The following SCGB3A2 variants were observed in gnomAD, a reference collection of about 807,000 sequenced individuals.
SCGB3A2 encodes secretoglobin family 3A member 2, also known as pneumo secretory protein 1.
Under a neutral mutation model 7.7 loss-of-function variants are expected in SCGB3A2, and 5 were observed. The observed-to-expected ratio is 0.65, with a 90% CI of 0.34 to 1.36. The LOEUF (loss-of-function observed/expected upper bound fraction) is 1.36, where lower values mean the gene tolerates loss of function less well. Among genes scored for constraint, SCGB3A2 ranks in the 40% most tolerant of loss-of-function variants. SCGB3A2 has a pLI of 0.04. For synonymous variants in SCGB3A2, 44 were observed against 42.7 expected, an observed-to-expected ratio of 1.03 and a Z score of -0.12; for missense variants, 109 against 103.6, an observed-to-expected ratio of 1.05 and a Z score of -0.23.
chr5:147,880,136 T>C (rs534121219), intron 1 of SCGB3A2, among the ~76,000 whole-genome samples: 25 of 152,304 alleles, frequency 1.6e-4, no homozygotes, highest in Admixed American at 3.3e-4. Flanking sequence ...AGTAGGAGGA[T>C]GTGTGTTCTT....
Position 147,878,819 on chromosome 5 carries a change from A to G in SCGB3A2, c.16A>G (p.Ile6Val), listed in dbSNP as rs1039560769. 1.2e-6 allele frequency: 2 copies of G among 1,613,122 alleles called. No individual in the cohort carries two copies. The highest frequency in any genetic ancestry group is 2.2e-5 in the East Asian group (1 of 44,868). Reference protein sequence around the residue: MKLVTIFLLVTISLCS... With the variant: MKLVTVFLLVTISLCS... ...GATAACTGTCATGAAGCTGGTAACT[A>G]TCTTCCTGCTGGTGACCATCAGCCT... The change falls in exon 1 of 3, where the codon ATC becomes GTC. Residue 6 changes from isoleucine (I) to valine (V), a missense_variant. Physicochemically the swap from Ile to Val is conservative, Grantham distance 29. Transcript: ENST00000296694.
chr5:147,878,758 A>T lies in SCGB3A2; in HGVS notation c.-46A>T, dbSNP rs1201248505. 6.6e-7 allele frequency: 1 copy of T among 1,520,490 alleles called. No homozygotes were observed. The highest frequency in any genetic ancestry group is 1.7e-5 in the Admixed American group (1 of 59,846). 94.2% of individuals were successfully genotyped at this position (1,520,490 alleles called of 1,614,324 possible). On this transcript the variant is annotated 5_prime_UTR_variant, in exon 1 of 3. Coordinates refer to ENST00000296694, the MANE Select transcript of SCGB3A2 (RefSeq NM_054023.5). ...CCACTGGCTTGGTGGATTTTGCTAGATTTTTCTGATTTTTAAACTCCTGAA... is the reference window on the plus strand; with the variant it reads ...CCACTGGCTTGGTGGATTTTGCTAGTTTTTTCTGATTTTTAAACTCCTGAA...
At chr5:147,881,949 C>T (rs1395054701) in intron 2 of SCGB3A2, 78 bp from the exon 3 acceptor site, 11 of 1,483,276 alleles carry the variant, frequency 7.4e-6, no homozygotes, top group African/African-American at 1.4e-5. Flanking sequence ...CCAAACAGGA[C>T]ACTGGAAGTG....
rs763508655 is a variant in SCGB3A2, at chr5:147,881,653, C to G, written c.258+5C>G. The stretch of plus-strand genomic sequence containing the variant: ...GAAGCTGTGAAGAAACTGCTGGTAA[C>G]CACAGCTTGGGAGGCTAATCTGCCA... On this transcript the variant is annotated splice_donor_5th_base_variant and intron_variant, in intron 2 of 2. Transcript: ENST00000296694. 5 of 1,611,996 alleles carry G rather than the reference C, an allele frequency of 3.1e-6. No individual in the cohort carries two copies. The highest frequency in any genetic ancestry group is 4.2e-6 in the Non-Finnish European group (5 of 1,178,872).
intron 1 of SCGB3A2, 74 bp downstream of exon 1, chr5:147,878,932 C>G (rs2278376): frequency 9.7e-7 from 1 of 1,026,936 alleles, no homozygotes; most frequent in Non-Finnish European, 1.5e-6. Flanking sequence ...AACTAGTAAG[C>G]CTTGCCTCAC....
intron 2 of SCGB3A2, among the ~76,000 whole-genome samples, 185 bp from the exon 3 acceptor site, chr5:147,881,842 A>G (rs1757353516): frequency 6.6e-6 from 1 of 152,218 alleles, no homozygotes; most frequent in Admixed American, 6.5e-5. Flanking sequence ...TGATAGTGAC[A>G]TGTGTTATAG....
Position 147,878,713 on chromosome 5 carries a change from A to T in SCGB3A2, c.-91A>T. The T allele has an allele frequency of 1.0e-6, 1 of 965,486 alleles. No homozygotes were observed. Among genetic ancestry groups the T allele is most frequent in the Non-Finnish European group, 1.7e-6 (1 of 589,924 alleles). 59.8% of individuals were successfully genotyped at this position (965,486 alleles called of 1,614,324 possible). A position where few individuals can be genotyped will look rare whatever the true frequency, so the allele number is the denominator to read the frequency against. On this transcript the variant is annotated 5_prime_UTR_variant, in exon 1 of 3. Transcript: ENST00000296694. ...ATGTGTGTGCAAAAGCAGCCATCAC[A>T]CTTTGTATGGCAAGTGGAACCACTG...
chr5:147,880,828 CA>C (rs1297391649), intron 1 of SCGB3A2: 2 of 153,740 alleles, frequency 1.3e-5, no homozygotes, highest in African/African-American at 4.8e-5. Flanking sequence ...AGTTGGTGCT[CA>C]ATTATGTTTG....
At chr5:147,881,396 A>T in intron 1 of SCGB3A2, 50 bp from the exon 2 acceptor site, 1 of 1,381,790 alleles carries the variant, frequency 7.2e-7, no homozygotes, top group Non-Finnish European at 1.0e-6. Flanking sequence ...ATGAGGTCAT[A>T]GTCTGGGCCC....
At chr5:147,879,095 C>T (rs375134424) in intron 1 of SCGB3A2, among the ~76,000 whole-genome samples, 13 of 152,304 alleles carry the variant, frequency 8.5e-5, no homozygotes, top group African/African-American at 2.6e-4. Context: ...ACCATCTAAG[C>T]TCTAGCCCAA....
rs187884195 is a variant in SCGB3A2 at position 147,880,064 on chromosome 5, A to C, written c.55+1206A>C. On this transcript the variant is annotated intron_variant, in intron 1 of 2. Transcript: ENST00000296694. ...AAAAAATATATACAGGCTCCATTTT[A>C]ATAATTTGAATGGGGAAATAATAGG... is the stretch of plus-strand genomic sequence containing the variant. Among the ~76,000 whole-genome samples the C allele has an allele frequency of 3.3e-3, 500 of 151,320 alleles. 2 individuals are homozygous for C. The highest frequency in any genetic ancestry group is 6.0e-3 in the South Asian group (29 of 4,818).
At chr5:147,881,721 G>A in intron 2 of SCGB3A2, 73 bp downstream of exon 2, 1 of 1,188,148 alleles carries the variant, frequency 8.4e-7, no homozygotes, top group South Asian at 1.4e-5. Flanking sequence ...TCCTCTTCTT[G>A]TCCCTTGTAA....
rs759103396 is a variant in SCGB3A2 at position 147,878,791 on chromosome 5, C to A, written c.-13C>A. On this transcript the variant is annotated 5_prime_UTR_variant, in exon 1 of 3. Transcript: ENST00000296694. ...GATTTTTAAACTCCTGAAAAATATC[C>A]CAGATAACTGTCATGAAGCTGGTAA... The A allele has an allele frequency of 2.5e-6, 4 of 1,609,492 alleles. No homozygotes were observed. Among genetic ancestry groups the A allele is most frequent in the South Asian group, 2.2e-5 (2 of 90,904 alleles).
At chr5:147,881,172 A>T in intron 1 of SCGB3A2, 1 of 374,036 alleles carries the variant, frequency 2.7e-6, no homozygotes, top group Non-Finnish European at 4.8e-6. Flanking sequence ...AAAATAAATG[A>T]CGGAGAGTGA....
In SCGB3A2 at chr5:147,878,828, C is replaced by T; in HGVS notation, c.25C>T (p.Leu9=). The T allele has an allele frequency of 6.2e-7, 1 of 1,612,692 alleles. No homozygotes were observed. The highest frequency in any genetic ancestry group is 8.5e-7 in the Non-Finnish European group (1 of 1,178,740). Residue 9 remains leucine (L), a synonymous_variant, in exon 1 of 3, where the codon CTG becomes TTG. Coordinates refer to ENST00000296694, the MANE Select transcript of SCGB3A2 (RefSeq NM_054023.5). MKLVTIFL[L]VTISLCSYSA... ...CATGAAGCTGGTAACTATCTTCCTG[C>T]TGGTGACCATCAGCCTTTGTAGTTA... is the stretch of plus-strand genomic sequence containing the variant.
chr5:147,881,020 G>A (rs764100895), intron 1 of SCGB3A2: 8 of 173,754 alleles, frequency 4.6e-5, no homozygotes, highest in Non-Finnish European at 8.6e-5. Context: ...GAATGCTTAC[G>A]CTGCCAGGGT....
chr5:147,879,200 G>A (rs1009022540), intron 1 of SCGB3A2, among the ~76,000 whole-genome samples: 3 of 152,090 alleles, frequency 2.0e-5, no homozygotes, highest in Non-Finnish European at 4.4e-5. Context: ...GTCACCATTC[G>A]TTTTTCTTAT....
At chr5:147,880,621 G>A (rs992433472) in intron 1 of SCGB3A2, 4 of 152,216 alleles carry the variant, frequency 2.6e-5, no homozygotes, top group African/African-American at 9.6e-5. Context: ...AGCACTTCTG[G>A]AAAATTCCTG....
rs1041562787 is a variant in SCGB3A2, at chr5:147,878,854, C to T, written c.51C>T (p.Tyr17=). ...FLLVTISLCS[Y]SATAFLINKV... is the part of the protein sequence containing the mutation. ...TGGTGACCATCAGCCTTTGTAGTTACTCTGGTAAGTAACTGGAATACATCT... is the reference window on the plus strand; with the variant it reads ...TGGTGACCATCAGCCTTTGTAGTTATTCTGGTAAGTAACTGGAATACATCT... The change falls in exon 1 of 3, where the codon TAC becomes TAT. Residue 17 remains tyrosine (Y), a synonymous_variant. Coordinates refer to ENST00000296694, the MANE Select transcript of SCGB3A2 (RefSeq NM_054023.5). 10 of 1,605,830 alleles carry T rather than the reference C, an allele frequency of 6.2e-6. No individual in the cohort carries two copies. The highest frequency in any genetic ancestry group is 2.2e-5 in the East Asian group (1 of 44,844).
Sources: gnomAD v4.1 joint callset for allele counts (sites outside exome capture counted in the v4.1 genomes callset) on GRCh38, gnomAD v4.1.1 for gene constraint, MANE v1.5 for transcripts, NCBI Gene and HGNC (gene_info 2026-07-23, HGNC 2026-07-21) for gene names.